CHD6: variants seen among roughly 807,000 people sequenced by gnomAD.
The protein encoded by CHD6 is chromodomain helicase DNA binding protein 6, also known as ATP-dependent chromatin remodeler CHD6.
In CHD6, 50 loss-of-function variants were observed where a neutral mutation model predicts 276.9. The observed-to-expected ratio is 0.18, with a 90% CI of 0.14 to 0.23. CHD6 has a LOEUF of 0.23. Ranked by LOEUF, CHD6 falls within the 10% of genes least tolerant of loss-of-function variation. CHD6 has a pLI of 1.00. For missense variants in CHD6, 2,564 were observed against 3,365.8 expected, an observed-to-expected ratio of 0.76 and a Z score of 5.89; for synonymous variants, 1,173 against 1,229.3, an observed-to-expected ratio of 0.95 and a Z score of 0.96.
At chr20:41,604,998 A>T (rs943525669) in intron 1 of CHD6, among the ~76,000 whole-genome samples, 1 of 152,210 alleles carries the variant, frequency 6.6e-6, no homozygotes, top group Non-Finnish European at 1.5e-5. Context: ...ATTGGGTTTT[A>T]CATCAAGTTT....
chr20:41,529,089 C>T (rs574285119), intron 3 of CHD6, among the ~76,000 whole-genome samples: 1 of 152,270 alleles, frequency 6.6e-6, no homozygotes, highest in East Asian at 1.9e-4. Context: ...GTCAGGTGAA[C>T]CTGGAGTCAA....
At position 41,451,028 on chromosome 20, in the gene CHD6, C is replaced by T; in HGVS notation, c.3601G>A (p.Ala1201Thr). The change falls in exon 23 of 37, where the codon GCA becomes ACA. Residue 1201 changes from alanine to threonine, a missense_variant. Physicochemically the swap from Ala to Thr is moderately conservative, Grantham distance 58. Around this residue, in one of 7 missense-constraint regions of CHD6, gnomAD observed 515 missense variants for 739.5 expected, o/e 0.70. Coordinates refer to ENST00000373233, the MANE Select transcript of CHD6 (RefSeq NM_032221.5). The stretch of plus-strand genomic sequence containing the variant: ...GGGTTGCAGGTGGCTAGCCAATCTG[C>T]ATCCTTTAGCTCTGGGATTAGCAAC... ...NQLLIPELKD[A>T]DWLATCNPEV... The T allele has an allele frequency of 1.2e-6, 2 of 1,614,022 alleles. No individual in the cohort carries two copies. Among genetic ancestry groups the T allele is most frequent in the East Asian group, 2.2e-5 (1 of 44,882 alleles).
At chr20:41,591,379 TACACACACAC>T (rs201725894) in intron 1 of CHD6, among the ~76,000 whole-genome samples, 17 of 144,182 alleles carry the variant, frequency 1.2e-4, no homozygotes, top group South Asian at 4.5e-4. Context: ...TATATATATA[TACACACACAC>T]ACACACACAC....
chr20:41,466,390 A>C (rs2042921378), intron 17 of CHD6, among the ~76,000 whole-genome samples: 1 of 152,154 alleles, frequency 6.6e-6, no homozygotes. Context: ...ATATAGTGAT[A>C]GTCTTCATTC....
At chr20:41,548,218 T>A (rs1488247911) in intron 2 of CHD6, among the ~76,000 whole-genome samples, 1 of 152,208 alleles carries the variant, frequency 6.6e-6, no homozygotes, top group African/African-American at 2.4e-5. Flanking sequence ...GGATCAAGTC[T>A]TTCTGAAAGT....
At chr20:41,494,661 T>C (rs866085897) in intron 8 of CHD6, among the ~76,000 whole-genome samples, 1 of 152,184 alleles carries the variant, frequency 6.6e-6, no homozygotes, top group Non-Finnish European at 1.5e-5. Flanking sequence ...TTCACCCAGG[T>C]CTTTCTTACC....
intron 27 of CHD6, among the ~76,000 whole-genome samples, chr20:41,433,931 T>C (rs949124796): frequency 6.6e-6 from 1 of 151,958 alleles, no homozygotes; most frequent in African/African-American, 2.4e-5. Flanking sequence ...CCTAGAAGCA[T>C]TAAAAAGCTA....
chr20:41,555,372 C>A (rs1336980368), intron 1 of CHD6, among the ~76,000 whole-genome samples: 1 of 149,034 alleles, frequency 6.7e-6, no homozygotes, highest in African/African-American at 2.5e-5. Context: ...CCGACCCCCC[C>A]ACCTCCCTCC....
intron 33 of CHD6, among the ~76,000 whole-genome samples, chr20:41,415,969 G>A (rs957387052): frequency 3.9e-5 from 6 of 152,206 alleles, no homozygotes; most frequent in African/African-American, 1.4e-4. Flanking sequence ...CACCTGGGAA[G>A]TTTAAAACAA....
At position 41,439,910 on chromosome 20, in the gene CHD6, A is replaced by G. The variant is rs1467680356; in HGVS notation, c.4007+90T>C. ...TGTAGGGAGATGCCAGATGCTGAGG[A>G]AGAGATAAAGAGTGCTGGGTTTATG... On this transcript the variant is annotated intron_variant, in intron 26 of 36. Coordinates refer to ENST00000373233, the MANE Select transcript of CHD6 (RefSeq NM_032221.5). The G allele has an allele frequency of 3.7e-6, 5 of 1,338,706 alleles. No homozygotes were observed. The African/African-American group carries it at 5.8e-5, about 15-fold the overall frequency. The allele number at this position is 1,338,706 out of a possible 1,614,324, so 82.9% of individuals were successfully genotyped here.
chr20:41,521,056 G>A (rs6072400), intron 3 of CHD6, among the ~76,000 whole-genome samples: 53,768 of 152,038 alleles, frequency 0.35, 12,318 homozygotes, highest in African/African-American at 0.63. Flanking sequence ...CAGGGATACA[G>A]GAGGGAGTGA....
At chr20:41,438,180 G>A (rs1046893634) in intron 26 of CHD6, among the ~76,000 whole-genome samples, 3 of 152,166 alleles carry the variant, frequency 2.0e-5, no homozygotes, top group African/African-American at 7.2e-5. Context: ...TGGTTAACAA[G>A]GACATTTTCC....
In CHD6 at chr20:41,488,425, C is replaced by T. The variant is rs1600989087; in HGVS notation, c.1857+3G>A. The T allele has an allele frequency of 1.2e-6, 2 of 1,608,160 alleles. No individual in the cohort carries two copies. Among genetic ancestry groups the T allele is most frequent in the East Asian group, 2.2e-5 (1 of 44,850 alleles). On this transcript the variant is annotated splice_donor_region_variant and intron_variant, in intron 13 of 36. Coordinates refer to ENST00000373233, the MANE Select transcript of CHD6 (RefSeq NM_032221.5). The stretch of plus-strand genomic sequence containing the variant: ...GTTTATGTAAAGAGATGCTAACTCT[C>T]ACCAGGGCCATAAGCTTTAGACCCT...
chr20:41,524,816 T>C (rs2044488677), intron 3 of CHD6, among the ~76,000 whole-genome samples: 1 of 152,220 alleles, frequency 6.6e-6, no homozygotes, highest in East Asian at 1.9e-4. Flanking sequence ...ATTAATTCTT[T>C]GCTTTTCTGA....
In CHD6 at chr20:41,426,114, T is replaced by G. The variant is rs1283498814; in HGVS notation, c.4108A>C (p.Lys1370Gln). 2 of 1,613,640 alleles carry G rather than the reference T, an allele frequency of 1.2e-6. No individual in the cohort carries two copies. Among genetic ancestry groups the G allele is most frequent in the Admixed American group, 1.7e-5 (1 of 60,022 alleles). The change falls in exon 28 of 37, where the codon AAG (lysine) becomes CAG (glutamine). Residue 1370 changes from lysine (K) to glutamine (Q), a missense_variant. By Grantham distance (53) the Lys-to-Gln change is moderately conservative (BLOSUM62 1). Coordinates refer to ENST00000373233, the MANE Select transcript of CHD6 (RefSeq NM_032221.5). ...TCACCTGCCCGGCTGTCATCCTTCT[T>G]TTCGCTAAAAACGCCATCACCTCCA... The part of the protein sequence containing the change: ...SDGGDGVFSE[K>Q]KDDSRAAQDG...
At chr20:41,590,688 A>T (rs557729662) in intron 1 of CHD6, among the ~76,000 whole-genome samples, 1 of 152,218 alleles carries the variant, frequency 6.6e-6, no homozygotes, top group Non-Finnish European at 1.5e-5. Context: ...TAGAATGGCG[A>T]TCATTAAAAA....
At chr20:41,516,811 G>A (rs868507601) in intron 3 of CHD6, among the ~76,000 whole-genome samples, 1 of 152,104 alleles carries the variant, frequency 6.6e-6, no homozygotes, top group South Asian at 2.1e-4. Flanking sequence ...AAGAGGGAAT[G>A]AAGCCTTTCA....
Position 41,599,490 on chromosome 20 carries a change from A to C in CHD6, c.-24+18850T>G, listed in dbSNP as rs530958267. Among the ~76,000 whole-genome samples the C allele has an allele frequency of 2.0e-5, 3 of 152,248 alleles. No individual in the cohort carries two copies. In the East Asian group the frequency reaches 5.8e-4, roughly 29 times the overall value. ...TGTACTCATTCTTGTAGGTTGCTGCACCATACCTCGTATTTGTGGATCAGG... is the reference window on the plus strand; with the variant it reads ...TGTACTCATTCTTGTAGGTTGCTGCCCCATACCTCGTATTTGTGGATCAGG... On this transcript the variant is annotated intron_variant, in intron 1 of 36. Transcript: ENST00000373233.
chr20:41,488,918 G>T (rs1376619561), intron 12 of CHD6, among the ~76,000 whole-genome samples: 1 of 152,214 alleles, frequency 6.6e-6, no homozygotes. Context: ...GATAGGTGTT[G>T]TTCACAAGTC....
Sources: gnomAD v4.1 joint callset for allele counts (sites outside exome capture counted in the v4.1 genomes callset) on GRCh38, gnomAD v4.1.1 for gene constraint, gnomAD v4.1.1 regional missense constraint, MANE v1.5 for transcripts, NCBI Gene and HGNC (gene_info 2026-07-23, HGNC 2026-07-21) for gene names.